The following CAMTA1 variants were observed in gnomAD, a reference collection of about 807,000 sequenced individuals.
The protein encoded by CAMTA1 is calmodulin binding transcription activator 1, also known as calmodulin-binding transcription activator 1.
A neutral mutation model predicts 170.9 loss-of-function variants in CAMTA1; 27 were observed. That is an observed-to-expected ratio of 0.16 (90% CI 0.12 to 0.22). The LOEUF (loss-of-function observed/expected upper bound fraction) is 0.22. CAMTA1 is among the 10% of genes least tolerant of loss of function. The pLI is 1.00. For missense variants in CAMTA1, 1,619 were observed against 2,217.2 expected (o/e 0.73, Z 5.42); for synonymous variants, 833 against 891.5 (o/e 0.93, Z 1.17).
At chr1:7,243,996 C>G (rs1665336770) in intron 4 of CAMTA1, among the ~76,000 whole-genome samples, 1 of 152,088 alleles carries the variant, frequency 6.6e-6, no homozygotes. Flanking sequence ...ACTCATCTGA[C>G]AAAGGGCTAA....
At chr1:6,955,114 C>A (rs1689221278) in intron 3 of CAMTA1, among the ~76,000 whole-genome samples, 1 of 151,128 alleles carries the variant, frequency 6.6e-6, no homozygotes, top group South Asian at 2.1e-4. Context: ...AGCATCCGAC[C>A]TTTCCCTAAT....
At chr1:6,884,668 G>A (rs2149094813) in intron 3 of CAMTA1, among the ~76,000 whole-genome samples, 1 of 152,290 alleles carries the variant, frequency 6.6e-6, no homozygotes, top group Non-Finnish European at 1.5e-5. Flanking sequence ...AAACCCCACT[G>A]TTAGGAAGCG....
At chr1:7,341,445 C>T (rs1574803858) in intron 5 of CAMTA1, among the ~76,000 whole-genome samples, 1 of 152,218 alleles carries the variant, frequency 6.6e-6, no homozygotes, top group African/African-American at 2.4e-5. Flanking sequence ...GAAAATATTT[C>T]CATTCTGTTT....
At chr1:6,982,862 CAT>C (rs1332993675) in intron 3 of CAMTA1, among the ~76,000 whole-genome samples, 1 of 152,166 alleles carries the variant, frequency 6.6e-6, no homozygotes, top group Non-Finnish European at 1.5e-5. Flanking sequence ...GGCCCAAACT[CAT>C]AGGGCTTGGT....
chr1:7,286,392 G>C lies in CAMTA1; in HGVS notation c.438+36766G>C, dbSNP rs1672353455. 6.6e-6 allele frequency among the ~76,000 whole-genome samples: 1 copy of C among 152,188 alleles called. No individual in the cohort carries two copies. Among genetic ancestry groups the C allele is most frequent in the Admixed American group, 6.5e-5 (1 of 15,288 alleles). On this transcript the variant is annotated intron_variant, in intron 5 of 22. Transcript: ENST00000303635. This position sits in a 1 kb window ranked among gnomAD's most constrained non-coding sequence, Gnocchi z 4.2. ...ATCGTCATGGGGGTCTTCAGCTATTGGTGGCATTTTGAAGGTCCAAACAGA... is the reference window on the plus strand; with the variant it reads ...ATCGTCATGGGGGTCTTCAGCTATTCGTGGCATTTTGAAGGTCCAAACAGA...
At chr1:6,898,418 T>C (rs182329782) in intron 3 of CAMTA1, among the ~76,000 whole-genome samples, 1 of 152,246 alleles carries the variant, frequency 6.6e-6, no homozygotes, top group African/African-American at 2.4e-5. Context: ...CTGGGCATGG[T>C]GGCGGGTGCC....
intron 6 of CAMTA1, among the ~76,000 whole-genome samples, chr1:7,498,429 G>T (rs184004597): frequency 6.6e-6 from 1 of 150,828 alleles, no homozygotes; most frequent in Admixed American, 6.6e-5. Flanking sequence ...GTGTGGATGT[G>T]CGTGTGTATG....
At chr1:7,164,199 A>G (rs1353230994) in intron 4 of CAMTA1, among the ~76,000 whole-genome samples, 1 of 152,126 alleles carries the variant, frequency 6.6e-6, no homozygotes, top group Non-Finnish European at 1.5e-5. Flanking sequence ...TTATCTCAGA[A>G]GTTTTGGCAA....
intron 6 of CAMTA1, among the ~76,000 whole-genome samples, chr1:7,535,028 G>A (rs1159199618): frequency 7.9e-5 from 12 of 152,182 alleles, no homozygotes; most frequent in Admixed American, 7.2e-4. Flanking sequence ...AAAAAGGGGA[G>A]TCAAGGGAGA....
At chr1:7,276,729 G>T (rs1459079552) in intron 5 of CAMTA1, among the ~76,000 whole-genome samples, 1 of 151,976 alleles carries the variant, frequency 6.6e-6, no homozygotes, top group Non-Finnish European at 1.5e-5. Flanking sequence ...GTTGAATAAG[G>T]CCAGGAAAAG....
intron 3 of CAMTA1, among the ~76,000 whole-genome samples, chr1:7,035,774 C>A (rs1484279207): frequency 6.6e-6 from 1 of 152,160 alleles, no homozygotes; most frequent in Non-Finnish European, 1.5e-5. Context: ...GAGACATGAG[C>A]AAGAATGTTC....
intron 5 of CAMTA1, among the ~76,000 whole-genome samples, chr1:7,448,766 T>C (rs2092741306): frequency 6.6e-6 from 1 of 152,202 alleles, no homozygotes; most frequent in African/African-American, 2.4e-5. Context: ...GCACAAGGGC[T>C]CTGTCCCCAT....
At chr1:7,012,238 C>T (rs114079550) in intron 3 of CAMTA1, among the ~76,000 whole-genome samples, 3,401 of 152,224 alleles carry the variant, frequency 0.022, 119 homozygotes, top group African/African-American at 0.078. Context: ...TAAGTACCTT[C>T]ACCCTCTCTC....
At chr1:7,500,498 C>G (rs944269709) in intron 6 of CAMTA1, among the ~76,000 whole-genome samples, 1 of 152,050 alleles carries the variant, frequency 6.6e-6, no homozygotes, top group Admixed American at 6.6e-5. Flanking sequence ...CTCTGCAGGT[C>G]TGGAGACCTT....
At chr1:6,825,343 A>G (rs1194679551) in intron 3 of CAMTA1, 133 bp downstream of exon 3, 1 of 559,506 alleles carries the variant, frequency 1.8e-6, no homozygotes, top group Non-Finnish European at 3.2e-6. Flanking sequence ...ACATTATTTA[A>G]TCTGGATTTG....
chr1:7,104,742 G>A (rs898844308), intron 4 of CAMTA1, among the ~76,000 whole-genome samples: 9 of 152,202 alleles, frequency 5.9e-5, no homozygotes, highest in African/African-American at 1.4e-4. Flanking sequence ...GTGGTCTCCA[G>A]GGACAAGGGG....
At chr1:7,250,356 G>T (rs1666438184) in intron 5 of CAMTA1, among the ~76,000 whole-genome samples, 1 of 152,146 alleles carries the variant, frequency 6.6e-6, no homozygotes, top group African/African-American at 2.4e-5. Context: ...GTGAAGTCTT[G>T]GCCTGCTGGT....
chr1:7,672,837 G>A (rs541913464), intron 10 of CAMTA1, among the ~76,000 whole-genome samples: 1 of 152,112 alleles, frequency 6.6e-6, no homozygotes, highest in African/African-American at 2.4e-5. Context: ...CCAGGAGCCA[G>A]TGCAGCAGCC....
chr1:7,568,150 T>C (rs2095066756), intron 6 of CAMTA1, among the ~76,000 whole-genome samples: 1 of 151,394 alleles, frequency 6.6e-6, no homozygotes, highest in Admixed American at 6.6e-5. Flanking sequence ...ATCACCATCA[T>C]CATCCTTATC....
Sources: allele counts gnomAD v4.1 joint callset (sites outside exome capture counted in the v4.1 genomes callset), GRCh38; gene constraint gnomAD v4.1.1; non-coding constraint Gnocchi (gnomAD v3.1); transcripts MANE v1.5; gene names NCBI Gene and HGNC (gene_info 2026-07-23, HGNC 2026-07-21).